Variants in TLE1 observed in about 807,000 individuals in gnomAD.
TLE1 encodes transducin-like enhancer protein 1.
In TLE1, 21 loss-of-function variants were observed where a neutral mutation model predicts 89.8. The observed-to-expected ratio is 0.23, with a 90% CI of 0.17 to 0.34. The LOEUF (loss-of-function observed/expected upper bound fraction) is 0.34, where lower values mean the gene tolerates loss of function less well. Among genes scored for constraint, TLE1 ranks in the 10% least tolerant of loss-of-function variants. The pLI, the probability that TLE1 is intolerant of heterozygous loss-of-function variation, is 1.00. For missense variants in TLE1, 795 were observed against 1,031.2 expected (o/e 0.77, Z 3.14); for synonymous variants, 447 against 407.6 (o/e 1.10, Z -1.16).
At position 81,677,416 on chromosome 9, in the gene TLE1, T is replaced by G. The variant is rs549007809; in HGVS notation, c.234+8260A>C. Among the ~76,000 whole-genome samples, 143 of 151,004 alleles carry G rather than the reference T, an allele frequency of 9.5e-4. 2 individuals carry two copies. The highest frequency in any genetic ancestry group is 3.4e-3 in the African/African-American group (139 of 41,106). On this transcript the variant is annotated intron_variant, in intron 4 of 19. Transcript: ENST00000376499. ...CTGTCTCTACTAAAAATACGAAAAA[T>G]TAGCCGGGCATCGTGGCAGACGCCT...
chr9:81,661,392 T>C (rs1275317923), intron 4 of TLE1, among the ~76,000 whole-genome samples: 1 of 151,738 alleles, frequency 6.6e-6, no homozygotes, highest in East Asian at 1.9e-4. Flanking sequence ...GCATAATGAG[T>C]GCTGTTTGAA....
chr9:81,584,620 T>A, intron 18 of TLE1, 96 bp from the exon 19 acceptor site: 1 of 1,111,060 alleles, frequency 9.0e-7, no homozygotes, highest in Non-Finnish European at 1.3e-6. Flanking sequence ...ACATTTTTAA[T>A]ATATGAACTA....
At chr9:81,632,511 A>G (rs1342478) in intron 8 of TLE1, among the ~76,000 whole-genome samples, 111,681 of 147,428 alleles carry the variant, frequency 0.76, 42,701 homozygotes, top group East Asian at 0.99. Flanking sequence ...TATTAAACAC[A>G]GTCAAAATAC....
chr9:81,635,933 A>G (rs1411393638), intron 6 of TLE1, among the ~76,000 whole-genome samples: 1 of 152,178 alleles, frequency 6.6e-6, no homozygotes, highest in Non-Finnish European at 1.5e-5. Flanking sequence ...CCAAGGCAGG[A>G]AGATCACTGC....
intron 4 of TLE1, among the ~76,000 whole-genome samples, chr9:81,677,498 G>C (rs1331187735): frequency 1.4e-5 from 2 of 147,312 alleles, no homozygotes; most frequent in Non-Finnish European, 3.0e-5. Flanking sequence ...CCGGGAGGCG[G>C]AGCTTGCAGT....
chr9:81,623,349 T>TA (rs1324690352), intron 8 of TLE1, among the ~76,000 whole-genome samples: 1 of 152,208 alleles, frequency 6.6e-6, no homozygotes, highest in African/African-American at 2.4e-5. Context: ...GGGTATTGAC[T>TA]AAATTGTCAT....
At chr9:81,631,129 C>G (rs183182835) in intron 8 of TLE1, among the ~76,000 whole-genome samples, 2 of 152,212 alleles carry the variant, frequency 1.3e-5, no homozygotes, top group Non-Finnish European at 2.9e-5. Context: ...CTAGAAAGTT[C>G]GTTGACTGCT....
In TLE1 at chr9:81,607,060, T is replaced by TAA. The variant is rs34328471; in HGVS notation, c.1331+3158_1331+3159dup. 3.2e-3 allele frequency among the ~76,000 whole-genome samples: 442 copies of TAA among 139,652 alleles called. 2 individuals carry two copies. The highest frequency in any genetic ancestry group is 6.2e-3 in the South Asian group (27 of 4,332). The allele number at this position is 139,652 out of a possible 152,430, so 91.6% of individuals were successfully genotyped here. ...GCAACCCAGGGAGACCCAGTGTCTCTAAAAAAAAAAAAAAATGGAGAGAGA... is the reference window on the plus strand; with the variant it reads ...GCAACCCAGGGAGACCCAGTGTCTCTAAAAAAAAAAAAAAAAATGGAGAGAGA... On this transcript the variant is annotated intron_variant, in intron 14 of 19. Coordinates refer to ENST00000376499, the MANE Select transcript of TLE1 (RefSeq NM_005077.5).
intron 4 of TLE1, among the ~76,000 whole-genome samples, chr9:81,654,583 C>G (rs1025812594): frequency 6.6e-6 from 1 of 152,108 alleles, no homozygotes; most frequent in Admixed American, 6.5e-5. Context: ...CCTCGTGATC[C>G]GCCCGCCTCG....
intron 9 of TLE1, among the ~76,000 whole-genome samples, chr9:81,618,344 C>T (rs891823156): frequency 6.6e-6 from 1 of 152,056 alleles, no homozygotes; most frequent in Non-Finnish European, 1.5e-5. Context: ...TGAAGTAGGC[C>T]CACAAATCTA....
At chr9:81,591,146 G>A in intron 15 of TLE1, 94 bp from the exon 16 acceptor site, 1 of 1,515,848 alleles carries the variant, frequency 6.6e-7, no homozygotes, top group African/African-American at 1.4e-5. Flanking sequence ...TGAGTTAAGA[G>A]TGGTGTTTCA....
chr9:81,645,336 G>C lies in TLE1; in HGVS notation c.372+6878C>G, dbSNP rs1179549367. On this transcript the variant is annotated intron_variant, in intron 6 of 19. Coordinates refer to ENST00000376499, the MANE Select transcript of TLE1 (RefSeq NM_005077.5). Reference sequence around the variant, plus strand: ...GCCAAGATCGCGCCATTGCACTCCAGCCTGGGCAACAAGAGAGAAACTCCG... The same window carrying C: ...GCCAAGATCGCGCCATTGCACTCCACCCTGGGCAACAAGAGAGAAACTCCG... 3.3e-5 allele frequency among the ~76,000 whole-genome samples: 5 copies of C among 149,936 alleles called. No individual in the cohort carries two copies. The East Asian group carries it at 9.8e-4, about 29-fold the overall frequency.
rs926114329 is a variant in TLE1, at chr9:81,667,211, G to A, written c.235-13175C>T. ...GTGGATCACTTTAGGTCAGGAGTTT[G>A]AGACCAGCCTGGCCAACATGGCTAG... On this transcript the variant is annotated intron_variant, in intron 4 of 19. Coordinates refer to ENST00000376499, the MANE Select transcript of TLE1 (RefSeq NM_005077.5). 6.2e-4 allele frequency among the ~76,000 whole-genome samples: 94 copies of A among 151,582 alleles called. 3 individuals carry two copies. Among genetic ancestry groups the A allele is most frequent in the Non-Finnish European group, 1.6e-4 (11 of 67,896 alleles).
intron 14 of TLE1, among the ~76,000 whole-genome samples, chr9:81,601,377 A>T (rs1416020842): frequency 6.6e-6 from 1 of 152,212 alleles, no homozygotes; most frequent in Admixed American, 6.5e-5. Flanking sequence ...TAAACCAAAA[A>T]GGTACTTTAA....
intron 8 of TLE1, among the ~76,000 whole-genome samples, chr9:81,623,962 CAG>C (rs1306778371): frequency 2.6e-5 from 4 of 152,114 alleles, no homozygotes; most frequent in African/African-American, 9.7e-5. Flanking sequence ...TGTCCAGAGA[CAG>C]AGGTGATTTG....
Position 81,585,611 on chromosome 9 carries a change from C to G in TLE1, c.2022G>C (p.Val674=). Residue 674 remains valine, a synonymous_variant, in exon 18 of 20, where the codon GTG becomes GTC. Coordinates refer to ENST00000376499, the MANE Select transcript of TLE1 (RefSeq NM_005077.5). ...CCTCCACATTGCTGCTCTCCATGCC[C>G]ACTGCCAGCCACTCCCCGGTGGGGC... ...GYCPTGEWLA[V]GMESSNVEVL... is the part of the protein sequence containing the mutation. 1 of 1,614,132 alleles carries G rather than the reference C, an allele frequency of 6.2e-7. No homozygotes were observed. Among genetic ancestry groups the G allele is most frequent in the Non-Finnish European group, 8.5e-7 (1 of 1,180,030 alleles).
chr9:81,686,117 C>A (rs1300391187), intron 2 of TLE1, among the ~76,000 whole-genome samples: 1 of 152,220 alleles, frequency 6.6e-6, no homozygotes, highest in East Asian at 1.9e-4. Flanking sequence ...TGGTGCCTAT[C>A]TGGTTAGATG....
intron 4 of TLE1, among the ~76,000 whole-genome samples, chr9:81,682,522 A>G (rs1233034711): frequency 6.6e-6 from 1 of 152,250 alleles, no homozygotes; most frequent in Non-Finnish European, 1.5e-5. Flanking sequence ...TGCTGAAAAG[A>G]TAACATGAGT....
At chr9:81,637,444 C>A (rs11139351) in intron 6 of TLE1, among the ~76,000 whole-genome samples, 21 of 152,130 alleles carry the variant, frequency 1.4e-4, no homozygotes, top group African/African-American at 4.8e-4. Flanking sequence ...TTTGCCACAG[C>A]TGTGAAGTAA....
Sources: gnomAD v4.1 joint callset for allele counts (sites outside exome capture counted in the v4.1 genomes callset) on GRCh38, gnomAD v4.1.1 for gene constraint, MANE v1.5 for transcripts, NCBI Gene and HGNC (gene_info 2026-07-23, HGNC 2026-07-21) for gene names.